Variants in SH3RF1 observed in about 807,000 individuals in gnomAD.
SH3RF1 encodes the protein E3 ubiquitin-protein ligase SH3RF1.
Under a neutral mutation model 74.0 loss-of-function variants are expected in SH3RF1, and 32 were observed. The observed-to-expected ratio is 0.43, with a 90% CI of 0.33 to 0.58. The LOEUF is 0.58. Among genes scored for constraint, SH3RF1 ranks in the 20% least tolerant of loss-of-function variants. SH3RF1 has a pLI of 0.05. For missense variants in SH3RF1, 954 were observed against 1,130.9 expected (o/e 0.84, Z 2.24); for synonymous variants, 396 against 439.6 (o/e 0.90, Z 1.24).
chr4:169,146,841 A>C (rs1395175765), intron 4 of SH3RF1, among the ~76,000 whole-genome samples: 1 of 152,182 alleles, frequency 6.6e-6, no homozygotes, highest in Non-Finnish European at 1.5e-5. Context: ...AGCCAGGGGA[A>C]AGGGAATAAC....
intron 10 of SH3RF1, among the ~76,000 whole-genome samples, chr4:169,115,456 C>T (rs1180331286): frequency 2.1e-4 from 32 of 152,258 alleles, no homozygotes; most frequent in Admixed American, 2.1e-3. Flanking sequence ...TTGTGAACTG[C>T]ACATGCGAGG....
At chr4:169,161,586 G>A (rs763336085) in intron 2 of SH3RF1, among the ~76,000 whole-genome samples, 10 of 152,110 alleles carry the variant, frequency 6.6e-5, no homozygotes, top group Non-Finnish European at 1.0e-4. Flanking sequence ...CCAGATGTAC[G>A]TGCAAGACAG....
intron 2 of SH3RF1, among the ~76,000 whole-genome samples, chr4:169,240,176 A>G (rs1184939825): frequency 6.6e-6 from 1 of 152,174 alleles, no homozygotes; most frequent in African/African-American, 2.4e-5. Flanking sequence ...GGGTATTATA[A>G]TAAATTCAGT....
chr4:169,130,177 A>C, intron 5 of SH3RF1, 21 bp from the exon 6 acceptor site: 1 of 1,502,376 alleles, frequency 6.7e-7, no homozygotes, highest in Non-Finnish European at 8.9e-7. Context: ...AAGAAAAGTT[A>C]TTAAAAAGAA....
At chr4:169,232,671 G>A (rs1579153488) in intron 2 of SH3RF1, among the ~76,000 whole-genome samples, 2 of 152,254 alleles carry the variant, frequency 1.3e-5, no homozygotes, top group South Asian at 2.1e-4. Flanking sequence ...CTTTCTGGCT[G>A]TAAGAGCATG....
At chr4:169,262,607 C>T (rs1337038462) in intron 2 of SH3RF1, among the ~76,000 whole-genome samples, 1 of 152,130 alleles carries the variant, frequency 6.6e-6, no homozygotes, top group African/African-American at 2.4e-5. Context: ...GCTGAGGTTG[C>T]AGTGAGCTGA....
At chr4:169,098,033 T>C (rs1173629115) in intron 11 of SH3RF1, among the ~76,000 whole-genome samples, 1 of 152,222 alleles carries the variant, frequency 6.6e-6, no homozygotes, top group Non-Finnish European at 1.5e-5. Flanking sequence ...GAGCATCAGC[T>C]CAGGCTGATG....
At chr4:169,145,146 A>G (rs1222718406) in intron 4 of SH3RF1, among the ~76,000 whole-genome samples, 1 of 152,232 alleles carries the variant, frequency 6.6e-6, no homozygotes, top group African/African-American at 2.4e-5. Context: ...CGTTTATTGC[A>G]GCACTATTCA....
chr4:169,193,310 G>C lies in SH3RF1; in HGVS notation c.394-36631C>G, dbSNP rs182324470. Among the ~76,000 whole-genome samples, 35 of 152,206 alleles carry C rather than the reference G, an allele frequency of 2.3e-4. No individual in the cohort carries two copies. In the South Asian group the frequency reaches 4.8e-3, roughly 21 times the overall value. ...ATAGTGAATGAATGAATGAATGTTA[G>C]CTCCTTTTCCTTTTCTCCTCCTTCC... is the stretch of plus-strand genomic sequence containing the variant. On this transcript the variant is annotated intron_variant, in intron 2 of 11. Transcript: ENST00000284637.
At chr4:169,206,972 T>C (rs1250297457) in intron 2 of SH3RF1, among the ~76,000 whole-genome samples, 1 of 152,106 alleles carries the variant, frequency 6.6e-6, no homozygotes, top group African/African-American at 2.4e-5. Flanking sequence ...TTTCTCTTTT[T>C]TTTTTGAGAC....
intron 11 of SH3RF1, among the ~76,000 whole-genome samples, chr4:169,105,035 G>C (rs896560942): frequency 3.3e-5 from 5 of 152,134 alleles, no homozygotes; most frequent in African/African-American, 1.2e-4. Context: ...GCAGGCCTCA[G>C]GTTTTGGTGG....
intron 2 of SH3RF1, among the ~76,000 whole-genome samples, chr4:169,177,810 G>C (rs1169260449): frequency 2.6e-5 from 4 of 151,968 alleles, no homozygotes; most frequent in African/African-American, 9.6e-5. Context: ...AACAGATATA[G>C]TTTCCTTATA....
At chr4:169,145,604 TTATA>T (rs1323427449) in intron 4 of SH3RF1, among the ~76,000 whole-genome samples, 1 of 147,630 alleles carries the variant, frequency 6.8e-6, no homozygotes, top group Non-Finnish European at 1.5e-5. Flanking sequence ...AATGGTCATA[TTATA>T]TATATTATAT....
intron 2 of SH3RF1, among the ~76,000 whole-genome samples, chr4:169,265,080 T>C (rs992947511): frequency 6.6e-6 from 1 of 152,212 alleles, no homozygotes; most frequent in African/African-American, 2.4e-5. Flanking sequence ...CCTAGCTTTG[T>C]GTCTTAGAAC....
intron 11 of SH3RF1, among the ~76,000 whole-genome samples, chr4:169,104,901 C>CA (rs35396121): frequency 0.18 from 16,310 of 88,912 alleles, 1,043 homozygotes; most frequent in South Asian, 0.24. Context: ...ACTCCCATCT[C>CA]AAAAAAAAAA....
At chr4:169,236,580 G>A (rs1177621518) in intron 2 of SH3RF1, among the ~76,000 whole-genome samples, 1 of 152,122 alleles carries the variant, frequency 6.6e-6, no homozygotes, top group Admixed American at 6.6e-5. Flanking sequence ...GGAAAATGGA[G>A]ATAATAGTAG....
At chr4:169,252,208 A>G (rs1189305252) in intron 2 of SH3RF1, among the ~76,000 whole-genome samples, 1 of 152,242 alleles carries the variant, frequency 6.6e-6, no homozygotes, top group African/African-American at 2.4e-5. Flanking sequence ...AAACAGTGAT[A>G]TCAATGCAAA....
intron 4 of SH3RF1, among the ~76,000 whole-genome samples, chr4:169,151,221 G>C (rs576403069): frequency 2.6e-5 from 4 of 152,144 alleles, no homozygotes; most frequent in African/African-American, 9.7e-5. Flanking sequence ...AATTCTAATG[G>C]GGAAATGGAG....
intron 2 of SH3RF1, among the ~76,000 whole-genome samples, chr4:169,167,607 ATG>A (rs1219304567): frequency 6.6e-6 from 1 of 152,122 alleles, no homozygotes; most frequent in Non-Finnish European, 1.5e-5. Flanking sequence ...TTACTGACAC[ATG>A]TGAGTAAAAA....
Sources: gnomAD v4.1 joint callset for allele counts (sites outside exome capture counted in the v4.1 genomes callset) on GRCh38, gnomAD v4.1.1 for gene constraint, MANE v1.5 for transcripts, NCBI Gene and HGNC (gene_info 2026-07-23, HGNC 2026-07-21) for gene names.